The following LONP2 variants were observed in gnomAD, a reference collection of about 807,000 sequenced individuals.
LONP2 encodes lon peptidase 2, peroxisomal.
In LONP2, 60 loss-of-function variants were observed where a neutral mutation model predicts 85.6. The observed-to-expected ratio is 0.70, with a 90% CI of 0.57 to 0.87. LONP2 has a LOEUF of 0.87. Ranked by LOEUF, LONP2 falls within the 40% of genes least tolerant of loss-of-function variation. The probability of loss-of-function intolerance (pLI) is 0.00; values close to 1 mark genes in which losing one functional copy is unlikely to be tolerated. For missense variants in LONP2, 860 were observed against 1,063.5 expected (o/e 0.81, Z 2.66); for synonymous variants, 395 against 389.7 (o/e 1.01, Z -0.16).
chr16:48,258,938 C>T (rs1971820608), intron 4 of LONP2, among the ~76,000 whole-genome samples, 198 bp downstream of exon 4: 1 of 151,976 alleles, frequency 6.6e-6, no homozygotes, highest in Admixed American at 6.6e-5. Context: ...TGGTTATCAT[C>T]CAAAAGGATA....
chr16:48,251,919 ATTAT>A (rs1971659802), intron 1 of LONP2, among the ~76,000 whole-genome samples: 1 of 152,210 alleles, frequency 6.6e-6, no homozygotes. Context: ...AGAGGTGCAG[ATTAT>A]AGTGAGATGG....
At position 48,353,663 on chromosome 16, in the gene LONP2, A is replaced by G. The variant is rs551293895; in HGVS notation, c.*1861A>G. The G allele has an allele frequency of 1.3e-5, 2 of 152,298 alleles. No individual in the cohort carries two copies. Among genetic ancestry groups the G allele is most frequent in the East Asian group, 3.9e-4 (2 of 5,180 alleles). The allele number at this position is 152,298 out of a possible 1,614,324, so 9.4% of individuals were successfully genotyped here. A position where few individuals can be genotyped will look rare whatever the true frequency, so the allele number is the denominator to read the frequency against. The stretch of plus-strand genomic sequence containing the variant: ...GATGTTTGAAAATATGCCATTGACT[A>G]TCTTAACTACTGTAATTTTATCATT... On this transcript the variant is annotated 3_prime_UTR_variant, in exon 15 of 15. Coordinates refer to ENST00000285737, the MANE Select transcript of LONP2 (RefSeq NM_031490.5).
At position 48,334,456 on chromosome 16, in the gene LONP2, G is replaced by T; in HGVS notation, c.1938+98G>T. 2.8e-6 allele frequency: 4 copies of T among 1,433,218 alleles called. No homozygotes were observed. In the South Asian group the frequency reaches 4.7e-5, roughly 17 times the overall value. The allele number at this position is 1,433,218 out of a possible 1,614,324, so 88.8% of individuals were successfully genotyped here. On this transcript the variant is annotated intron_variant, in intron 12 of 14. Coordinates refer to ENST00000285737, the MANE Select transcript of LONP2 (RefSeq NM_031490.5). Reference sequence around the variant, plus strand: ...GGGCCTGGGCAGGAGGCTGCCCTTTGGGGAAGGAATAGCCTTATTCGACCT... The same window carrying T: ...GGGCCTGGGCAGGAGGCTGCCCTTTTGGGAAGGAATAGCCTTATTCGACCT...
At chr16:48,299,902 C>A in intron 10 of LONP2, 114 bp downstream of exon 10, 1 of 1,062,262 alleles carries the variant, frequency 9.4e-7, no homozygotes, top group Non-Finnish European at 1.4e-6. Flanking sequence ...TTGAGATAAG[C>A]CACAGTCTCC....
At chr16:48,307,653 T>TA (rs58475241) in intron 11 of LONP2, among the ~76,000 whole-genome samples, 7,146 of 152,276 alleles carry the variant, frequency 0.047, 235 homozygotes, top group Middle Eastern at 0.15. Flanking sequence ...CCTGGGTAGA[T>TA]ACTAGTTTCT....
At chr16:48,316,323 C>CTTTTTT (rs776343152) in intron 11 of LONP2, among the ~76,000 whole-genome samples, 8 of 106,004 alleles carry the variant, frequency 7.5e-5, no homozygotes, top group Non-Finnish European at 1.3e-4. Context: ...CCATTGGATT[C>CTTTTTT]TTTTTTTTTT....
intron 6 of LONP2, among the ~76,000 whole-genome samples, chr16:48,267,520 G>A (rs1972015406): frequency 1.3e-5 from 2 of 152,012 alleles, no homozygotes; most frequent in South Asian, 2.1e-4. Flanking sequence ...GGCTGGTCTC[G>A]AACTTCTGGC....
chr16:48,309,720 GA>G (rs2151006499), intron 11 of LONP2, among the ~76,000 whole-genome samples: 1 of 152,120 alleles, frequency 6.6e-6, no homozygotes, highest in South Asian at 2.1e-4. Flanking sequence ...ATATGATTTT[GA>G]TTTTTTTTTA....
downstream of LONP2, among the ~76,000 whole-genome samples, chr16:48,359,026 C>T (rs1157609048): frequency 1.3e-5 from 2 of 152,184 alleles, no homozygotes; most frequent in Non-Finnish European, 2.9e-5. Flanking sequence ...CTCAGTCCGT[C>T]ACCCAGGCTG....
chr16:48,348,275 A>G lies in LONP2; in HGVS notation c.2322A>G (p.Arg774=). 1 of 1,522,498 alleles carries G rather than the reference A, an allele frequency of 6.6e-7. No homozygotes were observed. The highest frequency in any genetic ancestry group is 8.8e-7 in the Non-Finnish European group (1 of 1,136,018). 94.3% of individuals were successfully genotyped at this position (1,522,498 alleles called of 1,614,324 possible). Residue 774 remains arginine (R), a synonymous_variant, in exon 14 of 15, where the codon AGA becomes AGG. Transcript: ENST00000285737. ...DVAMTGEITL[R]GLVLPVGGIK... is the part of the protein sequence containing the mutation. ...CCATGACTGGAGAAATTACACTGAGAGGTCTTGTTCTTCCAGTAAGTATGA... is the reference window on the plus strand; with the variant it reads ...CCATGACTGGAGAAATTACACTGAGGGGTCTTGTTCTTCCAGTAAGTATGA...
chr16:48,259,349 A>G (rs1349673502), intron 4 of LONP2, among the ~76,000 whole-genome samples: 1 of 152,204 alleles, frequency 6.6e-6, no homozygotes, highest in Non-Finnish European at 1.5e-5. Flanking sequence ...TTGACTCAAC[A>G]CCACTAATTA....
intron 14 of LONP2, 36 bp downstream of exon 14, chr16:48,348,326 T>A (rs752402209): frequency 3.5e-5 from 46 of 1,302,718 alleles, no homozygotes; most frequent in South Asian, 2.2e-4. Context: ...GGTTATTTTT[T>A]ATTTAATTTT....
intron 11 of LONP2, among the ~76,000 whole-genome samples, chr16:48,324,055 A>G (rs968198934): frequency 4.6e-5 from 7 of 152,228 alleles, no homozygotes; most frequent in Non-Finnish European, 1.0e-4. Flanking sequence ...GACAGCACGA[A>G]TTATACAGTT....
chr16:48,250,287 C>T (rs899508446), intron 1 of LONP2, among the ~76,000 whole-genome samples: 3 of 151,214 alleles, frequency 2.0e-5, no homozygotes, highest in African/African-American at 7.3e-5. Context: ...TCGAGATCAT[C>T]CTGGCCAACA....
intron 14 of LONP2, among the ~76,000 whole-genome samples, chr16:48,348,545 A>T (rs1168984439): frequency 7.7e-6 from 1 of 129,134 alleles, no homozygotes; most frequent in Non-Finnish European, 1.5e-5. Context: ...CCCAGGCTGG[A>T]GTGCAGTGGT....
At chr16:48,295,472 A>G (rs1972649450) in intron 8 of LONP2, among the ~76,000 whole-genome samples, 1 of 152,232 alleles carries the variant, frequency 6.6e-6, no homozygotes, top group African/African-American at 2.4e-5. Context: ...AGAATATAGT[A>G]GCATAGTAAT....
In LONP2 at chr16:48,351,707, G is replaced by C; in HGVS notation, c.2464G>C (p.Val822Leu). 6.2e-7 allele frequency: 1 copy of C among 1,614,204 alleles called. No homozygotes were observed. ...PGNVRQDLSF[V>L]TASCLDEVLN... ...CAACGTACGACAGGATTTAAGTTTT[G>C]TCACAGCAAGCTGCCTGGATGAGGT... The change falls in exon 15 of 15, where the codon GTC (valine) becomes CTC (leucine). Residue 822 changes from valine (V) to leucine (L), a missense_variant. Around this residue, in one of 3 missense-constraint regions of LONP2, gnomAD observed 115 missense variants for 129.0 expected, o/e 0.89. Coordinates refer to ENST00000285737, the MANE Select transcript of LONP2 (RefSeq NM_031490.5).
At chr16:48,347,859 T>C in intron 13 of LONP2, 145 bp downstream of exon 13, 1 of 835,412 alleles carries the variant, frequency 1.2e-6, no homozygotes. Flanking sequence ...TAGTTCCCAT[T>C]TCAGGACTAT....
intron 1 of LONP2, among the ~76,000 whole-genome samples, chr16:48,247,964 C>T (rs1200501727): frequency 6.6e-6 from 1 of 151,634 alleles, no homozygotes. Flanking sequence ...GAAGTGGTAC[C>T]TATTGTCCAT....
Sources: allele counts gnomAD v4.1 joint callset (sites outside exome capture counted in the v4.1 genomes callset), GRCh38; gene constraint gnomAD v4.1.1; regional missense constraint gnomAD v4.1.1; transcripts MANE v1.5; gene names NCBI Gene and HGNC (gene_info 2026-07-23, HGNC 2026-07-21).